Variants in MIPOL1 observed in about 807,000 individuals in gnomAD.
MIPOL1 encodes mirror-image polydactyly 1, also known as mirror-image polydactyly gene 1 protein.
Under a neutral mutation model 60.9 loss-of-function variants are expected in MIPOL1, and 57 were observed. The observed-to-expected ratio is 0.94, with a 90% CI of 0.76 to 1.17. The LOEUF is 1.17. Ranked by LOEUF, MIPOL1 falls within the 50% of genes most tolerant of loss-of-function variation. The pLI, the probability that MIPOL1 is intolerant of heterozygous loss-of-function variation, is 0.00. For missense variants in MIPOL1, 551 were observed against 511.6 expected (o/e 1.08, Z -0.74); for synonymous variants, 179 against 168.8 (o/e 1.06, Z -0.47).
chr14:37,267,167 C>A lies in MIPOL1; in HGVS notation c.249C>A (p.Tyr83Ter). Residue 83 changes from tyrosine to a stop codon, truncating the protein, a stop_gained and splice_region_variant, in exon 4 of 13, where the codon TAC becomes TAA. Transcript: ENST00000684589. LOFTEE classifies it high-confidence loss of function. ...CTGTTTACTGCACTACTGAAAAATA[C>A]AAGTAAGTGCTCACAGCCTTAGATT... is the stretch of plus-strand genomic sequence containing the variant. ...DESVYCTTEK[Y>*]NVMEHRHNDM... is the part of the protein sequence containing the mutation. 1.2e-6 allele frequency: 2 copies of A among 1,606,110 alleles called. No homozygotes were observed. The highest frequency in any genetic ancestry group is 1.7e-6 in the Non-Finnish European group (2 of 1,173,446).
intron 12 of MIPOL1, among the ~76,000 whole-genome samples, chr14:37,529,415 C>A (rs906745440): frequency 6.6e-6 from 1 of 152,042 alleles, no homozygotes; most frequent in African/African-American, 2.4e-5. Context: ...TGAGTTGTTT[C>A]CTAATACTGC....
chr14:37,471,356 T>C (rs1019946071), intron 11 of MIPOL1, among the ~76,000 whole-genome samples: 1 of 152,160 alleles, frequency 6.6e-6, no homozygotes, highest in Non-Finnish European at 1.5e-5. Context: ...TCTGGTCCAA[T>C]TAACTAAAAA....
chr14:37,521,893 A>AAAAAATAT (rs371492296), intron 12 of MIPOL1, among the ~76,000 whole-genome samples: 1 of 123,568 alleles, frequency 8.1e-6, no homozygotes, highest in African/African-American at 3.1e-5. Context: ...AAGAAAAAAA[A>AAAAAATAT]ATATATATAT....
intron 9 of MIPOL1, among the ~76,000 whole-genome samples, chr14:37,310,377 T>A (rs978726840): frequency 6.6e-6 from 1 of 152,096 alleles, no homozygotes; most frequent in African/African-American, 2.4e-5. Context: ...GACTATTTTA[T>A]CTCTTCTTTC....
rs1490601838 is a variant in MIPOL1, at chr14:37,500,107, G to A, written c.1231G>A (p.Ala411Thr). 2 of 1,611,782 alleles carry A rather than the reference G, an allele frequency of 1.2e-6. No individual in the cohort carries two copies. The highest frequency in any genetic ancestry group is 2.2e-5 in the East Asian group (1 of 44,840). ...MELQLQHARE[A>T]SQVANEKVQK... ...ATTACAACTTCAACATGCCAGAGAG[G>A]CCTCCCAAGTGGCCAATGAAAAAGT... The change falls in exon 12 of 13, where the codon GCC becomes ACC. Residue 411 changes from alanine (A) to threonine (T), a missense_variant. By Grantham distance (58) the Ala-to-Thr change is moderately conservative (BLOSUM62 0). Coordinates refer to ENST00000684589, the MANE Select transcript of MIPOL1 (RefSeq NM_001388067.1).
intron 10 of MIPOL1, among the ~76,000 whole-genome samples, chr14:37,378,642 G>A (rs2092841074): frequency 6.6e-6 from 1 of 151,088 alleles, no homozygotes; most frequent in Non-Finnish European, 1.5e-5. Context: ...AAGGAGGAAA[G>A]GGAGGGAGGG....
At chr14:37,519,207 C>G (rs1309592415) in intron 12 of MIPOL1, among the ~76,000 whole-genome samples, 1 of 152,010 alleles carries the variant, frequency 6.6e-6, no homozygotes, top group Non-Finnish European at 1.5e-5. Flanking sequence ...TTAGTATAAC[C>G]AAGGGGTTTA....
intron 9 of MIPOL1, among the ~76,000 whole-genome samples, chr14:37,362,087 T>C (rs926219090): frequency 6.6e-6 from 1 of 152,198 alleles, no homozygotes; most frequent in Non-Finnish European, 1.5e-5. Flanking sequence ...TGTCCTTTAA[T>C]TGGGGCATTT....
At chr14:37,295,001 G>A (rs1044252149) in intron 7 of MIPOL1, among the ~76,000 whole-genome samples, 3 of 152,140 alleles carry the variant, frequency 2.0e-5, no homozygotes, top group African/African-American at 7.2e-5. Context: ...ACACGTAATT[G>A]TCAGATTCAC....
At chr14:37,222,225 T>C (rs1349989206) in intron 1 of MIPOL1, among the ~76,000 whole-genome samples, 1 of 150,566 alleles carries the variant, frequency 6.6e-6, no homozygotes, top group African/African-American at 2.4e-5. Flanking sequence ...AACATTGCTT[T>C]TTTTTTTTTT....
At chr14:37,435,988 T>C (rs1042976807) in intron 11 of MIPOL1, among the ~76,000 whole-genome samples, 4 of 152,152 alleles carry the variant, frequency 2.6e-5, no homozygotes, top group Non-Finnish European at 5.9e-5. Context: ...AAAGGCAGGA[T>C]TTATAAGGGA....
At chr14:37,457,714 T>A (rs1370524535) in intron 11 of MIPOL1, among the ~76,000 whole-genome samples, 1 of 152,238 alleles carries the variant, frequency 6.6e-6, no homozygotes, top group Non-Finnish European at 1.5e-5. Flanking sequence ...TTTTCAAGAC[T>A]TAATCTGGGT....
At chr14:37,371,063 GTTTAA>G (rs921207415) in intron 10 of MIPOL1, among the ~76,000 whole-genome samples, 3 of 151,400 alleles carry the variant, frequency 2.0e-5, no homozygotes, top group Non-Finnish European at 4.4e-5. Flanking sequence ...GTGTGTTTCT[GTTTAA>G]TTTAATGAAA....
Position 37,342,354 on chromosome 14 carries a change from C to CT in MIPOL1, c.829-27162dup, listed in dbSNP as rs564264592. ...CCAGCCTGGGTGACAGAGTGAGACT[C>CT]TGTCTAAAAAAAAAAGCATGCTAAG... On this transcript the variant is annotated intron_variant, in intron 9 of 12. Coordinates refer to ENST00000684589, the MANE Select transcript of MIPOL1 (RefSeq NM_001388067.1). 2.5e-4 allele frequency among the ~76,000 whole-genome samples: 37 copies of CT among 150,816 alleles called. No homozygotes were observed. The South Asian group carries it at 7.7e-3, about 32-fold the overall frequency.
chr14:37,322,483 A>G (rs1266560666), intron 9 of MIPOL1, among the ~76,000 whole-genome samples: 4 of 152,008 alleles, frequency 2.6e-5, no homozygotes, highest in African/African-American at 9.7e-5. Flanking sequence ...CTCTGTTCTT[A>G]TATAGATAAG....
intron 11 of MIPOL1, among the ~76,000 whole-genome samples, chr14:37,426,221 G>A (rs2093957225): frequency 6.6e-6 from 1 of 151,838 alleles, no homozygotes; most frequent in Admixed American, 6.6e-5. Flanking sequence ...TCAGAGACAG[G>A]AGTAAAGGAA....
intron 11 of MIPOL1, among the ~76,000 whole-genome samples, chr14:37,495,039 T>C (rs2095100090): frequency 6.6e-6 from 1 of 151,732 alleles, no homozygotes; most frequent in African/African-American, 2.4e-5. Context: ...GGAAATTAAA[T>C]CAGGATGCTC....
intron 4 of MIPOL1, among the ~76,000 whole-genome samples, chr14:37,267,410 C>G (rs1429764164): frequency 6.6e-6 from 1 of 152,050 alleles, no homozygotes; most frequent in Non-Finnish European, 1.5e-5. Context: ...ATCGCTTGAA[C>G]CTGGGAGGCG....
intron 1 of MIPOL1, among the ~76,000 whole-genome samples, chr14:37,222,795 T>A (rs1205326494): frequency 6.6e-6 from 1 of 152,188 alleles, no homozygotes; most frequent in African/African-American, 2.4e-5. Flanking sequence ...TATGTCAATC[T>A]AAGCTTTTTC....
Sources: gnomAD v4.1 joint callset for allele counts (sites outside exome capture counted in the v4.1 genomes callset) on GRCh38, gnomAD v4.1.1 for gene constraint, MANE v1.5 for transcripts, NCBI Gene and HGNC (gene_info 2026-07-23, HGNC 2026-07-21) for gene names.